The following CHRM2 variants were observed in gnomAD, a reference collection of about 807,000 sequenced individuals.
CHRM2 encodes muscarinic acetylcholine receptor M2.
CHRM2 carries 8 observed loss-of-function variants against 25.0 expected under a neutral mutation model. The observed-to-expected ratio is 0.32, with a 90% confidence interval of 0.19 to 0.58. CHRM2 has a LOEUF of 0.58. CHRM2 is among the 20% of genes least tolerant of loss of function. The pLI, the probability that CHRM2 is intolerant of heterozygous loss-of-function variation, is 0.88. For synonymous variants in CHRM2, 202 were observed against 205.7 expected, an observed-to-expected ratio of 0.98 and a Z score of 0.15; for missense variants, 440 against 567.1, an observed-to-expected ratio of 0.78 and a Z score of 2.28.
chr7:136,886,711 CA>C (rs1239067197), intron 2 of CHRM2, among the ~76,000 whole-genome samples: 10 of 148,542 alleles, frequency 6.7e-5, no homozygotes, highest in South Asian at 2.1e-4. Flanking sequence ...ACAAAAAATA[CA>C]AAAAAAAAAT....
intron 2 of CHRM2, among the ~76,000 whole-genome samples, chr7:136,932,597 C>A (rs1483063712): frequency 6.6e-6 from 1 of 152,046 alleles, no homozygotes; most frequent in Non-Finnish European, 1.5e-5. Flanking sequence ...CATACAACTA[C>A]CTTACATTAT....
At chr7:136,963,485 G>A (rs1260758707) in intron 2 of CHRM2, among the ~76,000 whole-genome samples, 2 of 152,152 alleles carry the variant, frequency 1.3e-5, no homozygotes, top group South Asian at 2.1e-4. Flanking sequence ...CAGGAAGAAC[G>A]TAATTTACTG....
intron 2 of CHRM2, among the ~76,000 whole-genome samples, chr7:136,932,316 C>A (rs1056272334): frequency 2.0e-5 from 3 of 152,124 alleles, no homozygotes; most frequent in Admixed American, 6.5e-5. Flanking sequence ...GAAAACTTCC[C>A]TCATAAAGCT....
intron 2 of CHRM2, chr7:136,903,173 C>T (rs375768209): frequency 3.7e-6 from 2 of 534,034 alleles, no homozygotes; most frequent in Non-Finnish European, 7.7e-6. Context: ...TTTATGGAGG[C>T]CTTGCTGGTT....
chr7:136,916,317 A>T (rs1798109685), intron 2 of CHRM2, among the ~76,000 whole-genome samples: 1 of 151,938 alleles, frequency 6.6e-6, no homozygotes, highest in Admixed American at 6.6e-5. Flanking sequence ...CCTCATTTTA[A>T]ATAATATACT....
chr7:136,983,452 C>A (rs193211927), intron 2 of CHRM2, among the ~76,000 whole-genome samples: 1 of 152,170 alleles, frequency 6.6e-6, no homozygotes, highest in Non-Finnish European at 1.5e-5. Context: ...CAAACTCATT[C>A]TCTGTCCAGT....
intron 2 of CHRM2, among the ~76,000 whole-genome samples, chr7:136,960,467 G>A (rs1323625899): frequency 1.3e-5 from 2 of 152,178 alleles, no homozygotes; most frequent in Non-Finnish European, 2.9e-5. Flanking sequence ...TCATTCCCAG[G>A]TTCTCCAGTC....
At chr7:136,936,270 C>T (rs769481264) in intron 2 of CHRM2, among the ~76,000 whole-genome samples, 4 of 152,106 alleles carry the variant, frequency 2.6e-5, no homozygotes, top group Non-Finnish European at 5.9e-5. Flanking sequence ...CTGGATAAAG[C>T]CTTTGCCTCT....
intron 2 of CHRM2, among the ~76,000 whole-genome samples, chr7:136,880,977 G>T (rs946994189): frequency 1.3e-5 from 2 of 151,214 alleles, no homozygotes; most frequent in Non-Finnish European, 3.0e-5. Context: ...CTTCATCTTT[G>T]TTCATTTAAC....
chr7:136,904,504 T>A (rs755514750), intron 2 of CHRM2, among the ~76,000 whole-genome samples: 3 of 151,878 alleles, frequency 2.0e-5, no homozygotes, highest in Non-Finnish European at 2.9e-5. Flanking sequence ...TTTCCCAATA[T>A]TAAATGTTTT....
chr7:136,949,369 T>G (rs752884083), intron 2 of CHRM2, among the ~76,000 whole-genome samples: 2 of 150,834 alleles, frequency 1.3e-5, no homozygotes, highest in African/African-American at 2.4e-5. Flanking sequence ...GTAATCCCAG[T>G]ACTTTGGGAA....
intron 2 of CHRM2, among the ~76,000 whole-genome samples, chr7:136,929,138 T>A (rs868583045): frequency 1.3e-5 from 2 of 152,090 alleles, no homozygotes; most frequent in East Asian, 1.9e-4. Context: ...TATTTTTTTT[T>A]ATCCTATTGA....
chr7:136,938,363 A>C (rs1180008271), intron 2 of CHRM2: 1 of 1,586,080 alleles, frequency 6.3e-7, no homozygotes, highest in Non-Finnish European at 8.6e-7. Context: ...AGGAGGCTCC[A>C]CTTGGTCTCC....
At chr7:136,926,590 T>C (rs1798763714) in intron 2 of CHRM2, among the ~76,000 whole-genome samples, 1 of 152,220 alleles carries the variant, frequency 6.6e-6, no homozygotes, top group Non-Finnish European at 1.5e-5. Flanking sequence ...CCATGTCTTA[T>C]AACTGAGGCA....
intron 3 of CHRM2, among the ~76,000 whole-genome samples, chr7:137,012,471 G>T (rs1804887376): frequency 1.3e-5 from 2 of 152,046 alleles, no homozygotes; most frequent in East Asian, 1.9e-4. Flanking sequence ...CCAATGAGCT[G>T]CAGGCATACA....
At chr7:136,965,912 C>G (rs1584840909) in intron 2 of CHRM2, among the ~76,000 whole-genome samples, 1 of 151,904 alleles carries the variant, frequency 6.6e-6, no homozygotes. Flanking sequence ...AAAAAGAAAG[C>G]CAAGAGTGTG....
At chr7:136,932,835 A>G (rs925102913) in intron 2 of CHRM2, among the ~76,000 whole-genome samples, 4 of 152,016 alleles carry the variant, frequency 2.6e-5, no homozygotes, top group Non-Finnish European at 5.9e-5. Flanking sequence ...TTCAAGACCA[A>G]CCTGGCCAAC....
intron 2 of CHRM2, among the ~76,000 whole-genome samples, chr7:136,872,118 A>G (rs1297183070): frequency 6.6e-6 from 1 of 152,166 alleles, no homozygotes; most frequent in Non-Finnish European, 1.5e-5. Flanking sequence ...GAATGGGGGA[A>G]AGTTTTGGGA....
chr7:136,893,087 CTT>C (rs1796758109), intron 2 of CHRM2, among the ~76,000 whole-genome samples: 1 of 152,164 alleles, frequency 6.6e-6, no homozygotes. Flanking sequence ...GTCTCTCTCT[CTT>C]GTTCTTCTCG....
Sources: allele counts gnomAD v4.1 joint callset (sites outside exome capture counted in the v4.1 genomes callset), GRCh38; gene constraint gnomAD v4.1.1; transcripts MANE v1.5; gene names NCBI Gene and HGNC (gene_info 2026-07-23, HGNC 2026-07-21).